Variants in SULF1 observed in about 807,000 individuals in gnomAD.
SULF1 encodes sulfatase 1.
Under a neutral mutation model 110.5 loss-of-function variants are expected in SULF1, and 46 were observed. That is an observed-to-expected ratio of 0.42 (90% CI 0.33 to 0.53). The LOEUF (loss-of-function observed/expected upper bound fraction) is 0.53, where lower values mean the gene tolerates loss of function less well. Among genes scored for constraint, SULF1 ranks in the 20% least tolerant of loss-of-function variants. SULF1 has a pLI of 0.12. For synonymous variants in SULF1, 371 were observed against 387.1 expected, an observed-to-expected ratio of 0.96 and a Z score of 0.49; for missense variants, 941 against 1,094.2, an observed-to-expected ratio of 0.86 and a Z score of 1.98.
At chr8:69,514,352 GAAGTGCTACAC>G (rs1811781060) in intron 3 of SULF1, among the ~76,000 whole-genome samples, 1 of 152,126 alleles carries the variant, frequency 6.6e-6, no homozygotes, top group Non-Finnish European at 1.5e-5. Context: ...AGAGAAGGGG[GAAGTGCTACAC>G]ACTTTTACAC....
At chr8:69,617,963 A>G (rs1165403778) in intron 13 of SULF1, among the ~76,000 whole-genome samples, 6 of 152,176 alleles carry the variant, frequency 3.9e-5, no homozygotes, top group Non-Finnish European at 8.8e-5. Context: ...CATCTGAGCT[A>G]CTTAGACTTA....
chr8:69,489,275 G>A (rs1809819250), upstream of SULF1, among the ~76,000 whole-genome samples: 1 of 152,116 alleles, frequency 6.6e-6, no homozygotes, highest in Non-Finnish European at 1.5e-5. Flanking sequence ...TGACTAGATT[G>A]ATAAAATGGG....
At chr8:69,502,871 G>C (rs948650432) in intron 3 of SULF1, among the ~76,000 whole-genome samples, 2 of 151,746 alleles carry the variant, frequency 1.3e-5, no homozygotes, top group African/African-American at 4.8e-5. Context: ...TATTTTAGCA[G>C]AGATGGGGTT....
chr8:69,565,405 A>C (rs1010734519), intron 5 of SULF1, among the ~76,000 whole-genome samples: 3 of 152,138 alleles, frequency 2.0e-5, no homozygotes, highest in African/African-American at 7.2e-5. Flanking sequence ...TTGTGGGTCC[A>C]TTTCAAGTTA....
chr8:69,599,362 A>C (rs1027265326), intron 8 of SULF1, among the ~76,000 whole-genome samples: 3 of 152,190 alleles, frequency 2.0e-5, no homozygotes, highest in African/African-American at 7.2e-5. Context: ...TCTTATTAAA[A>C]GCAATCTCAG....
rs766821208 is a variant in SULF1, at chr8:69,658,625, A to G, written c.*90A>G. 11 of 1,060,302 alleles carry G rather than the reference A, an allele frequency of 1.0e-5. No individual in the cohort carries two copies. The highest frequency in any genetic ancestry group is 3.1e-5 in the African/African-American group (2 of 64,372). 65.7% of individuals were successfully genotyped at this position (1,060,302 alleles called of 1,614,324 possible). Reference sequence around the variant, plus strand: ...AACATCTATGAGTACAGACAAAACTACAGACTTAGTCTGGTGGACTGGACT... The same window carrying G: ...AACATCTATGAGTACAGACAAAACTGCAGACTTAGTCTGGTGGACTGGACT... On this transcript the variant is annotated 3_prime_UTR_variant, in exon 23 of 23. Transcript: ENST00000402687.
intron 3 of SULF1, among the ~76,000 whole-genome samples, chr8:69,546,153 A>G (rs987038324): frequency 2.0e-5 from 3 of 152,250 alleles, no homozygotes; most frequent in Non-Finnish European, 4.4e-5. Context: ...TAAATAAAGA[A>G]GACAATGAAT....
chr8:69,577,297 G>A (rs1805680540), intron 6 of SULF1, among the ~76,000 whole-genome samples: 1 of 152,178 alleles, frequency 6.6e-6, no homozygotes, highest in African/African-American at 2.4e-5. Flanking sequence ...GGACTCTAAA[G>A]CAATTTGCAA....
At chr8:69,599,792 T>A (rs1361576072) in intron 8 of SULF1, among the ~76,000 whole-genome samples, 1 of 152,156 alleles carries the variant, frequency 6.6e-6, no homozygotes, top group Non-Finnish European at 1.5e-5. Flanking sequence ...CAGCATCTAA[T>A]GGTTGAGGGA....
chr8:69,591,764 A>C (rs890363309), intron 8 of SULF1, among the ~76,000 whole-genome samples: 2 of 152,210 alleles, frequency 1.3e-5, no homozygotes, highest in East Asian at 3.8e-4. Context: ...TGGTACCCAC[A>C]GTCCAAACCT....
At position 69,496,524 on chromosome 8, in the gene SULF1, T is replaced by C. The variant is rs1371776397; in HGVS notation, c.-229+598T>C. 2.0e-5 allele frequency among the ~76,000 whole-genome samples: 3 copies of C among 152,186 alleles called. No homozygotes were observed. The East Asian group carries it at 5.8e-4, about 29-fold the overall frequency. On this transcript the variant is annotated intron_variant, in intron 2 of 22. Transcript: ENST00000402687. ...CCGTTAACATCTCAGCTATGCAAAATAATCACCAAATATATACTTTTGAAT... is the reference window on the plus strand; with the variant it reads ...CCGTTAACATCTCAGCTATGCAAAACAATCACCAAATATATACTTTTGAAT...
intron 19 of SULF1, among the ~76,000 whole-genome samples, chr8:69,635,301 T>G (rs1810899432): frequency 6.6e-6 from 1 of 152,172 alleles, no homozygotes; most frequent in African/African-American, 2.4e-5. Flanking sequence ...CTATGAACTT[T>G]GAGTGACAAT....
chr8:69,527,263 T>C (rs1029052005), intron 3 of SULF1, among the ~76,000 whole-genome samples: 13 of 151,996 alleles, frequency 8.6e-5, no homozygotes, highest in African/African-American at 3.1e-4. Flanking sequence ...GTAAACCGCA[T>C]AGAAACAAAA....
intron 5 of SULF1, among the ~76,000 whole-genome samples, chr8:69,571,592 G>A (rs147117708): frequency 8.0e-4 from 122 of 152,266 alleles, no homozygotes; most frequent in South Asian, 2.7e-3. Context: ...AATCAGCACC[G>A]TTTGCATTTC....
At position 69,658,602 on chromosome 8, in the gene SULF1, C is replaced by A; in HGVS notation, c.*67C>A. On this transcript the variant is annotated 3_prime_UTR_variant, in exon 23 of 23. Transcript: ENST00000402687. Reference sequence around the variant, plus strand: ...AGGAGCTACACAGTGTGAATGAAAACATCTATGAGTACAGACAAAACTACA... The same window carrying A: ...AGGAGCTACACAGTGTGAATGAAAAAATCTATGAGTACAGACAAAACTACA... 7.7e-7 allele frequency: 1 copy of A among 1,293,892 alleles called. No individual in the cohort carries two copies. The allele number at this position is 1,293,892 out of a possible 1,614,324, so 80.2% of individuals were successfully genotyped here.
chr8:69,571,263 C>T (rs935912931), intron 5 of SULF1, among the ~76,000 whole-genome samples: 2 of 152,166 alleles, frequency 1.3e-5, no homozygotes, highest in African/African-American at 4.8e-5. Context: ...AGGGCAACCA[C>T]AGCCACCTCG....
chr8:69,598,558 A>T (rs1807533054), intron 8 of SULF1, among the ~76,000 whole-genome samples: 1 of 152,080 alleles, frequency 6.6e-6, no homozygotes, highest in South Asian at 2.1e-4. Flanking sequence ...TGCCCAGCTA[A>T]TTTTTGTATT....
intron 8 of SULF1, among the ~76,000 whole-genome samples, chr8:69,599,428 T>C (rs1807598907): frequency 6.6e-6 from 1 of 152,198 alleles, no homozygotes; most frequent in African/African-American, 2.4e-5. Flanking sequence ...GCAAATGGGC[T>C]TTGGAATTCA....
intron 3 of SULF1, among the ~76,000 whole-genome samples, chr8:69,530,871 T>C (rs1487489434): frequency 6.6e-6 from 1 of 152,226 alleles, no homozygotes; most frequent in Non-Finnish European, 1.5e-5. Flanking sequence ...GTTGGTGTCC[T>C]GCACAAGTGG....
Sources: gnomAD v4.1 joint callset for allele counts (sites outside exome capture counted in the v4.1 genomes callset) on GRCh38, gnomAD v4.1.1 for gene constraint, MANE v1.5 for transcripts, NCBI Gene and HGNC (gene_info 2026-07-23, HGNC 2026-07-21) for gene names.